The following GALNT15 variants were observed in gnomAD, a reference collection of about 807,000 sequenced individuals.
GALNT15 encodes polypeptide N-acetylgalactosaminyltransferase 15, also known as UDP-GalNAc transferase T15.
Under a neutral mutation model 66.8 loss-of-function variants are expected in GALNT15, and 67 were observed. The observed-to-expected ratio is 1.00, with a 90% CI of 0.82 to 1.23. GALNT15 has a LOEUF of 1.23. Ranked by LOEUF, GALNT15 falls within the 50% of genes most tolerant of loss-of-function variation. The pLI, the probability that GALNT15 is intolerant of heterozygous loss-of-function variation, is 0.00. For missense variants in GALNT15, 827 were observed against 804.3 expected, an observed-to-expected ratio of 1.03 and a Z score of -0.34; for synonymous variants, 313 against 311.5, an observed-to-expected ratio of 1.00 and a Z score of -0.05.
intron 8 of GALNT15, 135 bp from the exon 9 acceptor site, chr3:16,222,480 A>G (rs2063953195): frequency 3.8e-6 from 4 of 1,039,906 alleles, no homozygotes; most frequent in Non-Finnish European, 5.8e-6. Flanking sequence ...ACCATGAGAT[A>G]TGGTCTTTCT....
chr3:16,209,060 A>C lies in GALNT15; in HGVS notation c.1079+390A>C, dbSNP rs1443025994. 6.6e-6 allele frequency among the ~76,000 whole-genome samples: 1 copy of C among 152,214 alleles called. No individual in the cohort carries two copies. Among genetic ancestry groups the C allele is most frequent in the African/African-American group, 2.4e-5 (1 of 41,452 alleles). Reference sequence around the variant, plus strand: ...TCATCAGGTACAGTGTGAATTCCTCAGGTCTCGTCTTAGCAAATAGGAAGA... The same window carrying C: ...TCATCAGGTACAGTGTGAATTCCTCCGGTCTCGTCTTAGCAAATAGGAAGA... On this transcript the variant is annotated intron_variant, in intron 4 of 9. Transcript: ENST00000339732. This position sits in a 1 kb window ranked among gnomAD's most constrained non-coding sequence, Gnocchi z 4.1.
chr3:16,189,688 A>G lies in GALNT15; in HGVS notation c.540-6072A>G, dbSNP rs2063553868. On this transcript the variant is annotated intron_variant, in intron 1 of 9. Transcript: ENST00000339732. The surrounding 1 kb of genome is among the most constrained non-coding windows in gnomAD (Gnocchi z 5.1). ...ATATCCAGGCACATGAGAGGTTTGC[A>G]AGAATCAACAATAGCTAGCTAGCAT... is the stretch of plus-strand genomic sequence containing the variant. Among the ~76,000 whole-genome samples the G allele has an allele frequency of 6.6e-6, 1 of 152,236 alleles. No individual in the cohort carries two copies. Among genetic ancestry groups the G allele is most frequent in the Non-Finnish European group, 1.5e-5 (1 of 68,046 alleles).
chr3:16,207,333 C>G (rs895037348), intron 3 of GALNT15, among the ~76,000 whole-genome samples: 6 of 151,786 alleles, frequency 4.0e-5, no homozygotes, highest in African/African-American at 1.5e-4. Context: ...TTCCATGGCA[C>G]AGATTGAAGA....
rs749824331 is a variant in GALNT15 at position 16,219,917 on chromosome 3, A to G, written c.1532A>G (p.Asn511Ser). 6 of 1,613,904 alleles carry G rather than the reference A, an allele frequency of 3.7e-6. No homozygotes were observed. Among genetic ancestry groups the G allele is most frequent in the Non-Finnish European group, 5.1e-6 (6 of 1,179,884 alleles). Residue 511 changes from asparagine to serine, a missense_variant, in exon 8 of 10, where the codon AAC becomes AGC. Transcript: ENST00000339732. This position sits in a 1 kb window ranked among gnomAD's most constrained non-coding sequence, Gnocchi z 4.3. ...PRPSFSGKLH[N>S]TGLGLCADCQ... is the part of the protein sequence containing the mutation. ...GTGTGTGTCCACTTTCAGCTCCACA[A>G]CACTGGACTTGGGCTCTGTGCAGAC...
At chr3:16,210,884 C>A (rs549191296) in intron 4 of GALNT15, among the ~76,000 whole-genome samples, 61 of 152,352 alleles carry the variant, frequency 4.0e-4, no homozygotes, top group Non-Finnish European at 7.8e-4. Flanking sequence ...TCTCTAGGAG[C>A]AGTATCTGAG....
At chr3:16,177,003 A>C (rs1204838065) in intron 1 of GALNT15, among the ~76,000 whole-genome samples, 1 of 152,164 alleles carries the variant, frequency 6.6e-6, no homozygotes, top group African/African-American at 2.4e-5. Context: ...ATTTTCAGGA[A>C]ATTCCCACCC....
chr3:16,215,418 A>G (rs554796888), intron 6 of GALNT15, among the ~76,000 whole-genome samples: 31 of 152,356 alleles, frequency 2.0e-4, no homozygotes, highest in Non-Finnish European at 3.5e-4. Context: ...GTTGCTAAAG[A>G]GAAGTGGGGA....
intron 4 of GALNT15, among the ~76,000 whole-genome samples, chr3:16,210,727 A>G (rs2063803694): frequency 6.6e-6 from 1 of 152,186 alleles, no homozygotes; most frequent in South Asian, 2.1e-4. Context: ...AAAAGAAAGG[A>G]GGAAAGAGCC....
In GALNT15 at chr3:16,200,693, C is replaced by A; in HGVS notation, c.781C>A (p.Leu261Met). 6.2e-7 allele frequency: 1 copy of A among 1,610,422 alleles called. No homozygotes were observed. Among genetic ancestry groups the A allele is most frequent in the Non-Finnish European group, 8.5e-7 (1 of 1,178,388 alleles). The change falls in exon 3 of 10, where the codon CTG becomes ATG. Residue 261 changes from leucine (L) to methionine (M), a missense_variant. Leu to Met is a conservative substitution (Grantham distance 15). Transcript: ENST00000339732. This position sits in a 1 kb window ranked among gnomAD's most constrained non-coding sequence, Gnocchi z 4.4. ...GAAGTTACTCAGGAGCAACAAGAGGCTGGGTGCCATCAGGGCCCGGATGCT... is the reference window on the plus strand; with the variant it reads ...GAAGTTACTCAGGAGCAACAAGAGGATGGGTGCCATCAGGGCCCGGATGCT... Reference protein sequence around the residue: ...GVKLLRSNKRLGAIRARMLGA... With the variant: ...GVKLLRSNKRMGAIRARMLGA...
In GALNT15 at chr3:16,227,240, A is replaced by G; in HGVS notation, c.1774-114A>G. The G allele has an allele frequency of 9.1e-7, 1 of 1,094,682 alleles. No homozygotes were observed. 67.8% of individuals were successfully genotyped at this position (1,094,682 alleles called of 1,614,324 possible). A position where few individuals can be genotyped will look rare whatever the true frequency, so the allele number is the denominator to read the frequency against. ...AAATACCACAATTCCTTTCCAGGCCAGTTCACACCATCTGTTATTCTCTTA... is the reference window on the plus strand; with the variant it reads ...AAATACCACAATTCCTTTCCAGGCCGGTTCACACCATCTGTTATTCTCTTA... On this transcript the variant is annotated intron_variant, in intron 9 of 9. Transcript: ENST00000339732. The surrounding 1 kb of genome is among the most constrained non-coding windows in gnomAD (Gnocchi z 4.5).
chr3:16,175,726 A>G lies in GALNT15; in HGVS notation c.539+36A>G. On this transcript the variant is annotated intron_variant, in intron 1 of 9. Transcript: ENST00000339732. This position sits in a 1 kb window ranked among gnomAD's most constrained non-coding sequence, Gnocchi z 5.6. ...CCCTTGTTTTCCCTTCCCTGATCCC[A>G]GGGCATGATCGGGTGGTAGCAAACT... 6.6e-7 allele frequency: 1 copy of G among 1,520,658 alleles called. No homozygotes were observed. Among genetic ancestry groups the G allele is most frequent in the Non-Finnish European group, 8.8e-7 (1 of 1,133,968 alleles). The allele number at this position is 1,520,658 out of a possible 1,614,324, so 94.2% of individuals were successfully genotyped here. A position where few individuals can be genotyped will look rare whatever the true frequency, so the allele number is the denominator to read the frequency against.
In GALNT15 at chr3:16,222,691, A is replaced by G; in HGVS notation, c.1706A>G (p.Gln569Arg). 4.3e-6 allele frequency: 7 copies of G among 1,614,256 alleles called. No individual in the cohort carries two copies. Among genetic ancestry groups the G allele is most frequent in the Non-Finnish European group, 5.1e-6 (6 of 1,180,042 alleles). ...QHLCFAVRQE[Q>R]VILQNCTEEG... ...CTGTGCTTTGCTGTCAGGCAGGAGC[A>G]GGTGATTCTTCAGAACTGCACGGAG... The change falls in exon 9 of 10, where the codon CAG becomes CGG. Residue 569 changes from glutamine to arginine, a missense_variant. Gln to Arg is a conservative substitution (Grantham distance 43). Transcript: ENST00000339732.
chr3:16,212,671 C>T lies in GALNT15; in HGVS notation c.1300C>T (p.Leu434=), dbSNP rs2063829842. Residue 434 remains leucine, a synonymous_variant, in exon 6 of 10, where the codon CTG becomes TTG. Transcript: ENST00000339732. ...TTCCCCCCTCGACCAGGAGGCCACCCTGAGGAACAGGGTTCGCATTGCTGA... is the reference window on the plus strand; with the variant it reads ...TTCCCCCCTCGACCAGGAGGCCACCTTGAGGAACAGGGTTCGCATTGCTGA... ...SHSPLDQEAT[L]RNRVRIAETW... is the part of the protein sequence containing the mutation. The T allele has an allele frequency of 1.9e-6, 3 of 1,613,956 alleles. No homozygotes were observed. Among genetic ancestry groups the T allele is most frequent in the Non-Finnish European group, 2.5e-6 (3 of 1,180,040 alleles).
intron 2 of GALNT15, among the ~76,000 whole-genome samples, chr3:16,197,063 C>A (rs2063646423): frequency 6.6e-6 from 1 of 152,198 alleles, no homozygotes; most frequent in Non-Finnish European, 1.5e-5. Flanking sequence ...TGAACAGGTG[C>A]AGGACAGGGC....
chr3:16,206,361 G>T (rs1250593848), intron 3 of GALNT15, among the ~76,000 whole-genome samples: 1 of 148,718 alleles, frequency 6.7e-6, no homozygotes, highest in Non-Finnish European at 1.5e-5. Context: ...CAGTCTGGGC[G>T]ACAGAGTGAG....
At position 16,224,638 on chromosome 3, in the gene GALNT15, T is replaced by C. The variant is rs1009925416; in HGVS notation, c.1773+1880T>C. ...ACTATTGTAGTAGGCTATTCTTTTTTTTTTTTTTTTTTTTAAAGAGGGAGT... is the reference window on the plus strand; with the variant it reads ...ACTATTGTAGTAGGCTATTCTTTTTCTTTTTTTTTTTTTTAAAGAGGGAGT... On this transcript the variant is annotated intron_variant, in intron 9 of 9. Coordinates refer to ENST00000339732, the MANE Select transcript of GALNT15 (RefSeq NM_054110.5). This position sits in a 1 kb window ranked among gnomAD's most constrained non-coding sequence, Gnocchi z 5.2. Among the ~76,000 whole-genome samples, 1 of 150,934 alleles carries C rather than the reference T, an allele frequency of 6.6e-6. No individual in the cohort carries two copies. The highest frequency in any genetic ancestry group is 1.5e-5 in the Non-Finnish European group (1 of 67,758).
In GALNT15 at chr3:16,175,784, C is replaced by T. The variant is rs892548397; in HGVS notation, c.539+94C>T. 19 of 1,166,082 alleles carry T rather than the reference C, an allele frequency of 1.6e-5. 1 individual carries two copies. The highest frequency in any genetic ancestry group is 8.2e-5 in the Admixed American group (3 of 36,778). 72.2% of individuals were successfully genotyped at this position (1,166,082 alleles called of 1,614,324 possible). A position where few individuals can be genotyped will look rare whatever the true frequency, so the allele number is the denominator to read the frequency against. The stretch of plus-strand genomic sequence containing the variant: ...GCAAACTTTCCGTAGCCTGCCTCTC[C>T]TGACTTAGAGCAAGTGCTTTTCAAG... On this transcript the variant is annotated intron_variant, in intron 1 of 9. Coordinates refer to ENST00000339732, the MANE Select transcript of GALNT15 (RefSeq NM_054110.5). This position sits in a 1 kb window ranked among gnomAD's most constrained non-coding sequence, Gnocchi z 5.6.
chr3:16,220,731 A>G (rs2063933768), intron 8 of GALNT15, among the ~76,000 whole-genome samples: 1 of 152,222 alleles, frequency 6.6e-6, no homozygotes. Context: ...ACTGGATGAG[A>G]ATCAAAGATC....
intron 1 of GALNT15, among the ~76,000 whole-genome samples, chr3:16,178,989 C>T (rs539004907): frequency 6.6e-6 from 1 of 152,346 alleles, no homozygotes; most frequent in Non-Finnish European, 1.5e-5. Context: ...TTCCCCCCTG[C>T]CCAGGCCACA....
Sources: gnomAD v4.1 joint callset for allele counts (sites outside exome capture counted in the v4.1 genomes callset) on GRCh38, gnomAD v4.1.1 for gene constraint, Gnocchi (gnomAD v3.1) non-coding constraint, MANE v1.5 for transcripts, NCBI Gene and HGNC (gene_info 2026-07-23, HGNC 2026-07-21) for gene names.